PLCB1: variants seen among roughly 807,000 people sequenced by gnomAD.
The protein encoded by PLCB1 is 1-phosphatidylinositol 4,5-bisphosphate phosphodiesterase beta-1.
PLCB1 carries 46 observed loss-of-function variants against 161.8 expected under a neutral mutation model. The observed-to-expected ratio is 0.28, with a 90% CI of 0.22 to 0.36. PLCB1 has a LOEUF of 0.36. Ranked by LOEUF, PLCB1 falls within the 10% of genes least tolerant of loss-of-function variation. PLCB1 has a pLI of 1.00. For missense variants in PLCB1, 1,016 were observed against 1,472.5 expected (o/e 0.69, Z 5.07); for synonymous variants, 517 against 503.7 (o/e 1.03, Z -0.35).
intron 2 of PLCB1, among the ~76,000 whole-genome samples, chr20:8,296,890 C>T (rs1983654969): frequency 6.6e-6 from 1 of 152,080 alleles, no homozygotes; most frequent in African/African-American, 2.4e-5. Flanking sequence ...GTTTGAGTAA[C>T]CATTTATATG....
intron 2 of PLCB1, among the ~76,000 whole-genome samples, chr20:8,197,667 G>T (rs1362828523): frequency 2.0e-5 from 3 of 152,088 alleles, no homozygotes; most frequent in African/African-American, 7.2e-5. Context: ...AGTTTCATTA[G>T]ATCCCATTTG....
intron 3 of PLCB1, among the ~76,000 whole-genome samples, chr20:8,428,118 T>G (rs1474681952): frequency 1.3e-5 from 2 of 152,132 alleles, no homozygotes; most frequent in African/African-American, 4.8e-5. Flanking sequence ...TGGGTCCAAA[T>G]GATTCAGGAC....
chr20:8,627,616 T>C (rs1163521067), intron 3 of PLCB1, among the ~76,000 whole-genome samples: 1 of 152,220 alleles, frequency 6.6e-6, no homozygotes, highest in Non-Finnish European at 1.5e-5. Flanking sequence ...ACTTTGAGCT[T>C]TGAATGTTTG....
At chr20:8,413,008 T>C (rs1979112017) in intron 3 of PLCB1, among the ~76,000 whole-genome samples, 1 of 151,578 alleles carries the variant, frequency 6.6e-6, no homozygotes, top group African/African-American at 2.4e-5. Flanking sequence ...ACCCAGCGAA[T>C]TGGTTTAACT....
intron 3 of PLCB1, among the ~76,000 whole-genome samples, chr20:8,547,905 C>T (rs1298893283): frequency 1.3e-5 from 2 of 152,152 alleles, no homozygotes; most frequent in African/African-American, 4.8e-5. Context: ...TTCTAAGTCT[C>T]CTCTTCTCTG....
intron 2 of PLCB1, among the ~76,000 whole-genome samples, chr20:8,179,383 C>CT (rs1259207665): frequency 1.3e-5 from 2 of 151,908 alleles, no homozygotes; most frequent in African/African-American, 2.4e-5. Context: ...GTATTTTATT[C>CT]TTTTTTTGTG....
intron 2 of PLCB1, among the ~76,000 whole-genome samples, chr20:8,334,959 A>G (rs1600323593): frequency 6.6e-6 from 1 of 152,174 alleles, no homozygotes; most frequent in East Asian, 1.9e-4. Flanking sequence ...TCTTCATAAA[A>G]TTTCCTATAA....
chr20:8,323,948 C>T (rs890982525), intron 2 of PLCB1, among the ~76,000 whole-genome samples: 1 of 151,712 alleles, frequency 6.6e-6, no homozygotes, highest in African/African-American at 2.4e-5. Flanking sequence ...ATTCAACTAT[C>T]CTTTAAAATA....
intron 3 of PLCB1, among the ~76,000 whole-genome samples, chr20:8,536,284 T>A (rs1418892370): frequency 2.0e-5 from 3 of 152,006 alleles, no homozygotes; most frequent in Admixed American, 6.6e-5. Flanking sequence ...GAAAAAAAAA[T>A]TTGGAAAAAA....
chr20:8,440,311 G>A (rs1980501818), intron 3 of PLCB1, among the ~76,000 whole-genome samples: 1 of 152,168 alleles, frequency 6.6e-6, no homozygotes, highest in South Asian at 2.1e-4. Flanking sequence ...CCCATAGCTA[G>A]TATTGATATG....
chr20:8,182,068 T>G (rs2051849558), intron 2 of PLCB1, among the ~76,000 whole-genome samples: 1 of 152,186 alleles, frequency 6.6e-6, no homozygotes, highest in African/African-American at 2.4e-5. Context: ...GTGAGTGACA[T>G]CCCTGTAAGA....
Position 8,432,141 on chromosome 20 carries a change from C to T in PLCB1, c.246+60691C>T, listed in dbSNP as rs147141399. Reference sequence around the variant, plus strand: ...ACATGGCCACGAAAAATCTGGCTTGCAGACAATCTGAAGCGTGAGGAGGGC... The same window carrying T: ...ACATGGCCACGAAAAATCTGGCTTGTAGACAATCTGAAGCGTGAGGAGGGC... On this transcript the variant is annotated intron_variant, in intron 3 of 31. Transcript: ENST00000338037. Among the ~76,000 whole-genome samples, 5 of 152,226 alleles carry T rather than the reference C, an allele frequency of 3.3e-5. No homozygotes were observed. The East Asian group carries it at 5.8e-4, about 18-fold the overall frequency.
At chr20:8,286,533 T>C (rs1320292880) in intron 2 of PLCB1, among the ~76,000 whole-genome samples, 1 of 152,186 alleles carries the variant, frequency 6.6e-6, no homozygotes, top group African/African-American at 2.4e-5. Flanking sequence ...CAGAAGATAA[T>C]GGACTGTTGG....
chr20:8,334,916 A>C (rs1027467114), intron 2 of PLCB1, among the ~76,000 whole-genome samples: 7 of 152,242 alleles, frequency 4.6e-5, no homozygotes, highest in African/African-American at 1.7e-4. Flanking sequence ...TGCTCTTGGC[A>C]ATTAGTCAAA....
At chr20:8,216,335 G>A (rs1311480053) in intron 2 of PLCB1, among the ~76,000 whole-genome samples, 1 of 152,054 alleles carries the variant, frequency 6.6e-6, no homozygotes, top group Non-Finnish European at 1.5e-5. Flanking sequence ...CAAATGCTAT[G>A]GTCATTGTGG....
chr20:8,681,935 C>T (rs770464862), intron 9 of PLCB1, among the ~76,000 whole-genome samples: 9 of 152,128 alleles, frequency 5.9e-5, no homozygotes, highest in Non-Finnish European at 1.0e-4. Flanking sequence ...GTGCACAAAG[C>T]ATCTAGTAGA....
chr20:8,848,615 G>A (rs577332625), intron 31 of PLCB1, among the ~76,000 whole-genome samples: 4 of 152,316 alleles, frequency 2.6e-5, no homozygotes, highest in East Asian at 1.9e-4. Context: ...CAGCATTAGG[G>A]AGGCCATGTC....
intron 2 of PLCB1, among the ~76,000 whole-genome samples, chr20:8,187,635 T>C (rs1358088713): frequency 6.6e-6 from 1 of 152,154 alleles, no homozygotes; most frequent in East Asian, 1.9e-4. Context: ...CTTAGACTTG[T>C]AGAAAAGGTC....
At chr20:8,200,233 G>C (rs1600230493) in intron 2 of PLCB1, among the ~76,000 whole-genome samples, 1 of 151,532 alleles carries the variant, frequency 6.6e-6, no homozygotes, top group East Asian at 1.9e-4. Context: ...TTCTTCCTGG[G>C]TATTGTTTTT....
Sources: allele counts gnomAD v4.1 joint callset (sites outside exome capture counted in the v4.1 genomes callset), GRCh38; gene constraint gnomAD v4.1.1; transcripts MANE v1.5; gene names NCBI Gene and HGNC (gene_info 2026-07-23, HGNC 2026-07-21).